Variants in LPP observed in about 807,000 individuals in gnomAD.
LPP encodes the protein lipoma-preferred partner.
LPP carries 38 observed loss-of-function variants against 60.4 expected under a neutral mutation model. The observed-to-expected ratio is 0.63, with a 90% CI of 0.49 to 0.83. LPP has a LOEUF of 0.83. Ranked by LOEUF, LPP falls within the 40% of genes least tolerant of loss-of-function variation. LPP has a pLI of 0.00. For missense variants in LPP, 902 were observed against 783.6 expected, an observed-to-expected ratio of 1.15 and a Z score of -1.80; for synonymous variants, 328 against 290.8, an observed-to-expected ratio of 1.13 and a Z score of -1.30.
chr3:188,455,317 C>A (rs1428882991), intron 4 of LPP, among the ~76,000 whole-genome samples: 1 of 152,132 alleles, frequency 6.6e-6, no homozygotes, highest in Non-Finnish European at 1.5e-5. Context: ...AGATTCACTG[C>A]CTTCTATTCC....
intron 4 of LPP, among the ~76,000 whole-genome samples, chr3:188,476,570 A>G (rs1803281999): frequency 6.6e-6 from 1 of 152,224 alleles, no homozygotes; most frequent in African/African-American, 2.4e-5. Flanking sequence ...TAGCAGTAGC[A>G]TATGAGAATG....
intron 2 of LPP, among the ~76,000 whole-genome samples, chr3:188,252,203 A>ATATATATATG (rs1730058300): frequency 1.6e-5 from 2 of 125,098 alleles, no homozygotes; most frequent in Admixed American, 1.6e-4. Context: ...ATATATATAT[A>ATATATATATG]TATGTTTTTA....
chr3:188,232,147 C>T lies in LPP; in HGVS notation c.-67+6620C>T, dbSNP rs573897972. ...TTTATTTTATAGAAGATGACAGGTTCCCTTAGAGTCCACATTCACATAACT... is the reference window on the plus strand; with the variant it reads ...TTTATTTTATAGAAGATGACAGGTTTCCTTAGAGTCCACATTCACATAACT... On this transcript the variant is annotated intron_variant, in intron 2 of 11. Coordinates refer to ENST00000617246, the MANE Select transcript of LPP (RefSeq NM_001375462.1). 7.9e-4 allele frequency among the ~76,000 whole-genome samples: 121 copies of T among 152,228 alleles called. 1 individual carries two copies. Among genetic ancestry groups the T allele is most frequent in the African/African-American group, 2.7e-3 (112 of 41,514 alleles).
In LPP at chr3:188,217,275, G is replaced by A. The variant is rs756672956; in HGVS notation, c.-189-8130G>A. Among the ~76,000 whole-genome samples the A allele has an allele frequency of 6.6e-5, 10 of 152,122 alleles. No homozygotes were observed. The highest frequency in any genetic ancestry group is 2.1e-4 in the South Asian group (1 of 4,828). The stretch of plus-strand genomic sequence containing the variant: ...GAAGAGCACTGCAGGCAGTGGAGAC[G>A]GTCAATGCAAAGGTCAAGGCTGTGA... On this transcript the variant is annotated intron_variant, in intron 1 of 11. Transcript: ENST00000617246. The surrounding 1 kb of genome is among the most constrained non-coding windows in gnomAD (Gnocchi z 4.0).
At chr3:188,747,022 T>C (rs529578907) in intron 8 of LPP, among the ~76,000 whole-genome samples, 2 of 152,306 alleles carry the variant, frequency 1.3e-5, no homozygotes, top group East Asian at 1.9e-4. Flanking sequence ...AACTGAAGAC[T>C]AGGACGGTCC....
At chr3:188,538,254 A>C (rs1824171559) in intron 6 of LPP, among the ~76,000 whole-genome samples, 1 of 152,228 alleles carries the variant, frequency 6.6e-6, no homozygotes, top group Non-Finnish European at 1.5e-5. Context: ...AAATGACACC[A>C]TCAAGAAAGT....
intron 2 of LPP, among the ~76,000 whole-genome samples, chr3:188,276,669 GTCTCTCTCTCTCTCTCTCTCTCTCTT>G (rs747484649): frequency 0.21 from 21,251 of 99,450 alleles, 2,729 homozygotes; most frequent in African/African-American, 0.46. Context: ...CTCCAACTCT[GTCTCTCTCTCTCTCTCTCTCTCTCTT>G]TCTCTCTCTC....
At chr3:188,539,816 G>A (rs1474797882) in intron 6 of LPP, among the ~76,000 whole-genome samples, 1 of 152,092 alleles carries the variant, frequency 6.6e-6, no homozygotes, top group African/African-American at 2.4e-5. Context: ...AAGGAATTTA[G>A]GCAACAGATG....
intron 7 of LPP, among the ~76,000 whole-genome samples, chr3:188,674,063 C>G (rs970430587): frequency 1.3e-5 from 2 of 152,008 alleles, no homozygotes; most frequent in Non-Finnish European, 2.9e-5. Context: ...AAACACAATA[C>G]CTTTCTGGAA....
intron 2 of LPP, among the ~76,000 whole-genome samples, chr3:188,241,616 ATTTCT>A (rs1202869686): frequency 6.6e-6 from 1 of 152,048 alleles, no homozygotes; most frequent in African/African-American, 2.4e-5. Context: ...TGGCCCTCTG[ATTTCT>A]TTTCTTTTTT....
intron 6 of LPP, among the ~76,000 whole-genome samples, chr3:188,573,938 G>A (rs1309816170): frequency 6.6e-6 from 1 of 152,104 alleles, no homozygotes; most frequent in Non-Finnish European, 1.5e-5. Context: ...TAATGTAAGG[G>A]GGAAAAGGAG....
intron 9 of LPP, among the ~76,000 whole-genome samples, chr3:188,766,291 A>G (rs1344784286): frequency 1.3e-5 from 2 of 150,266 alleles, no homozygotes; most frequent in Non-Finnish European, 3.0e-5. Flanking sequence ...CATGCTTTCC[A>G]GTATCACAGA....
At chr3:188,320,023 C>G (rs1274025055) in intron 2 of LPP, among the ~76,000 whole-genome samples, 1 of 152,168 alleles carries the variant, frequency 6.6e-6, no homozygotes, top group African/African-American at 2.4e-5. Context: ...CTGACTGATG[C>G]TTTCTCATGA....
chr3:188,399,501 A>G (rs924804635), intron 3 of LPP, among the ~76,000 whole-genome samples: 2 of 152,252 alleles, frequency 1.3e-5, no homozygotes, highest in Non-Finnish European at 2.9e-5. Flanking sequence ...TAAGTCAAAT[A>G]GTCCCTCAGT....
intron 3 of LPP, among the ~76,000 whole-genome samples, chr3:188,399,341 C>T (rs1781696718): frequency 6.7e-6 from 1 of 149,606 alleles, no homozygotes; most frequent in Non-Finnish European, 1.5e-5. Context: ...AAGGTACTGA[C>T]TTTTGTATAA....
chr3:188,184,165 A>C (rs79470529), intron 1 of LPP, among the ~76,000 whole-genome samples: 1,929 of 152,272 alleles, frequency 0.013, 42 homozygotes, highest in African/African-American at 0.044. Context: ...GTCATAGAGC[A>C]ATAAAATGTA....
At chr3:188,179,309 T>C (rs1248746567) in intron 1 of LPP, 1 of 458,282 alleles carries the variant, frequency 2.2e-6, no homozygotes, top group Non-Finnish European at 4.4e-6. Context: ...CATGTGCCTC[T>C]GATGAGCAGC....
rs1342207321 is a variant in LPP, at chr3:188,495,082, A to ATATATATAT, written c.306+10379_306+10380insATATATATT. ...CAGGATTTTATATATATATATATATATTTTATTTATATTTTATTATATATT... is the reference window on the plus strand; with the variant it reads ...CAGGATTTTATATATATATATATATATATATATATTTTTATTTATATTTTATTATATATT... On this transcript the variant is annotated intron_variant, in intron 5 of 11. Transcript: ENST00000617246. 2.9e-3 allele frequency among the ~76,000 whole-genome samples: 279 copies of ATATATATAT among 97,242 alleles called. 9 individuals are homozygous for ATATATATAT. Among genetic ancestry groups the ATATATATAT allele is most frequent in the South Asian group, 0.016 (50 of 3,140 alleles). The allele number at this position is 97,242 out of a possible 152,430, so 63.8% of individuals were successfully genotyped here.
intron 4 of LPP, among the ~76,000 whole-genome samples, chr3:188,483,823 T>C (rs1805509411): frequency 6.6e-6 from 1 of 152,264 alleles, no homozygotes; most frequent in South Asian, 2.1e-4. Context: ...CATGGACTTT[T>C]ACATTAGTCT....
Sources: gnomAD v4.1 joint callset for allele counts (sites outside exome capture counted in the v4.1 genomes callset) on GRCh38, gnomAD v4.1.1 for gene constraint, Gnocchi (gnomAD v3.1) non-coding constraint, MANE v1.5 for transcripts, NCBI Gene and HGNC (gene_info 2026-07-23, HGNC 2026-07-21) for gene names.